TNIK: variants seen among roughly 807,000 people sequenced by gnomAD.
TNIK encodes the protein TRAF2 and NCK-interacting protein kinase.
In TNIK, 49 loss-of-function variants were observed where a neutral mutation model predicts 191.3. The observed-to-expected ratio is 0.26, with a 90% CI of 0.20 to 0.32. The LOEUF (loss-of-function observed/expected upper bound fraction) is 0.32, where lower values mean the gene tolerates loss of function less well. Ranked by LOEUF, TNIK falls within the 10% of genes least tolerant of loss-of-function variation. The probability of loss-of-function intolerance (pLI) is 1.00; values close to 1 mark genes in which losing one functional copy is unlikely to be tolerated. For missense variants in TNIK, 1,155 were observed against 1,702.3 expected (o/e 0.68, Z 5.66); for synonymous variants, 594 against 600.9 (o/e 0.99, Z 0.17).
intron 2 of TNIK, among the ~76,000 whole-genome samples, chr3:171,304,560 C>T (rs1396679999): frequency 1.3e-5 from 2 of 152,136 alleles, no homozygotes; most frequent in Admixed American, 6.5e-5. Flanking sequence ...CACATGCATA[C>T]GTATGTTTAT....
intron 2 of TNIK, among the ~76,000 whole-genome samples, chr3:171,292,328 G>T (rs981668275): frequency 2.0e-5 from 3 of 152,174 alleles, no homozygotes; most frequent in African/African-American, 7.2e-5. Context: ...GGAGACTCTG[G>T]ATTCTATTAT....
chr3:171,401,945 C>T (rs1471471252), intron 1 of TNIK, among the ~76,000 whole-genome samples: 2 of 152,200 alleles, frequency 1.3e-5, no homozygotes, highest in African/African-American at 2.4e-5. Flanking sequence ...AAAGTGATCA[C>T]GTCTGTTTCT....
chr3:171,432,956 A>G (rs1050171788), intron 1 of TNIK, among the ~76,000 whole-genome samples: 1 of 152,212 alleles, frequency 6.6e-6, no homozygotes, highest in African/African-American at 2.4e-5. Flanking sequence ...AATAAGAAGC[A>G]TATAATATTA....
Position 171,188,779 on chromosome 3 carries a change from A to C in TNIK, c.562T>G (p.Phe188Val). The C allele has an allele frequency of 6.2e-7, 1 of 1,613,714 alleles. No homozygotes were observed. Among genetic ancestry groups the C allele is most frequent in the Non-Finnish European group, 8.5e-7 (1 of 1,179,652 alleles). ...LDRTVGRRNT[F>V]IGTPYWMAPE... ...GCCATCCAGTAGGGAGTTCCAATGA[A>C]AGTATTCCTCCTGCCCACTGTTCGA... The change falls in exon 7 of 33, where the codon TTC (phenylalanine) becomes GTC (valine). Residue 188 changes from phenylalanine to valine, a missense_variant. By Grantham distance (50) the Phe-to-Val change is conservative (BLOSUM62 -1). Coordinates refer to ENST00000436636, the MANE Select transcript of TNIK (RefSeq NM_015028.4).
At position 171,063,555 on chromosome 3, in the gene TNIK, C is replaced by T. The variant is rs1718051721; in HGVS notation, c.*326G>A. On this transcript the variant is annotated 3_prime_UTR_variant, in exon 33 of 33. Transcript: ENST00000436636. ...AAAAAGGTAAAAACCTGAAAACCCA[C>T]CATAACACAGCTTAATCGTTAAGAG... 4.8e-6 allele frequency: 1 copy of T among 207,608 alleles called. No homozygotes were observed. The highest frequency in any genetic ancestry group is 2.3e-5 in the African/African-American group (1 of 43,340). The allele number at this position is 207,608 out of a possible 1,614,324, so 12.9% of individuals were successfully genotyped here. A position where few individuals can be genotyped will look rare whatever the true frequency, so the allele number is the denominator to read the frequency against.
At chr3:171,124,697 A>C (rs1161772386) in intron 17 of TNIK, among the ~76,000 whole-genome samples, 2 of 152,216 alleles carry the variant, frequency 1.3e-5, no homozygotes, top group African/African-American at 4.8e-5. Flanking sequence ...GTTCAAATTA[A>C]TTATTACTAT....
chr3:171,271,227 A>G (rs534838693), intron 2 of TNIK, among the ~76,000 whole-genome samples: 4 of 152,358 alleles, frequency 2.6e-5, no homozygotes, highest in Admixed American at 2.6e-4. Context: ...GCCAACTCTA[A>G]TAGTTCTAGC....
chr3:171,219,411 A>T (rs1742004864), intron 3 of TNIK, among the ~76,000 whole-genome samples: 1 of 150,728 alleles, frequency 6.6e-6, no homozygotes, highest in Admixed American at 6.7e-5. Context: ...CACATAATGC[A>T]GCACCTACTA....
chr3:171,120,323 CTTTT>C (rs397691045), intron 18 of TNIK, among the ~76,000 whole-genome samples: 2 of 136,396 alleles, frequency 1.5e-5, no homozygotes, highest in Non-Finnish European at 1.6e-5. Flanking sequence ...TTTTTTCTTT[CTTTT>C]TTTTTTTTTT....
chr3:171,185,818 C>T lies in TNIK; in HGVS notation c.639+2884G>A, dbSNP rs192254037. Among the ~76,000 whole-genome samples the T allele has an allele frequency of 2.3e-4, 35 of 152,306 alleles. 1 individual carries two copies. The highest frequency in any genetic ancestry group is 8.2e-4 in the African/African-American group (34 of 41,550). ...AATCAAATAACAAAACTAAGCTATACTCTTTTTCTTTTTCTTCTTGTCTTT... is the reference window on the plus strand; with the variant it reads ...AATCAAATAACAAAACTAAGCTATATTCTTTTTCTTTTTCTTCTTGTCTTT... On this transcript the variant is annotated intron_variant, in intron 7 of 32. Transcript: ENST00000436636.
intron 2 of TNIK, among the ~76,000 whole-genome samples, chr3:171,333,584 G>GAAAAAAAAAAAAAAA (rs562856294): frequency 2.6e-5 from 3 of 114,246 alleles, no homozygotes; most frequent in South Asian, 3.1e-4. Flanking sequence ...CAAAAAGAAA[G>GAAAAAAAAAAAAAAA]AAAAAAAAAA....
At chr3:171,395,453 A>G (rs1248402675) in intron 1 of TNIK, among the ~76,000 whole-genome samples, 2 of 152,164 alleles carry the variant, frequency 1.3e-5, no homozygotes, top group East Asian at 3.8e-4. Flanking sequence ...ACAACTATTA[A>G]TAACATCTCT....
chr3:171,080,077 TAACA>T (rs1177300677), intron 27 of TNIK, among the ~76,000 whole-genome samples: 1 of 152,134 alleles, frequency 6.6e-6, no homozygotes, highest in African/African-American at 2.4e-5. Flanking sequence ...TATAACCTAA[TAACA>T]AACAAGAGGA....
intron 1 of TNIK, among the ~76,000 whole-genome samples, chr3:171,456,679 C>A (rs1180834593): frequency 6.6e-6 from 1 of 152,176 alleles, no homozygotes; most frequent in Non-Finnish European, 1.5e-5. Context: ...AAGATGAATT[C>A]CAAAGGTGGC....
intron 2 of TNIK, among the ~76,000 whole-genome samples, chr3:171,359,729 A>G (rs1714691295): frequency 6.6e-6 from 1 of 152,248 alleles, no homozygotes; most frequent in Non-Finnish European, 1.5e-5. Flanking sequence ...ACTTAAGGTT[A>G]AACTACAGAG....
At chr3:171,247,380 G>C (rs114500068) in intron 2 of TNIK, among the ~76,000 whole-genome samples, 1,571 of 152,334 alleles carry the variant, frequency 0.01, 10 homozygotes, top group Non-Finnish European at 0.015. Flanking sequence ...ATGGTGTTTT[G>C]GAGAATTGAA....
rs1220377848 is a variant in TNIK, at chr3:171,159,262, CAT to C, written c.1017-1600_1017-1599del. Among the ~76,000 whole-genome samples the C allele has an allele frequency of 5.3e-5, 8 of 150,824 alleles. No individual in the cohort carries two copies. The highest frequency in any genetic ancestry group is 1.5e-4 in the African/African-American group (6 of 41,010). ...TCACGAAGCCTGTGGACAGATCTGA[CAT>C]GTGGAGTGAGGGATGACTTGCAGGT... On this transcript the variant is annotated intron_variant, in intron 11 of 32. Transcript: ENST00000436636. The surrounding 1 kb of genome is among the most constrained non-coding windows in gnomAD (Gnocchi z 4.1).
At chr3:171,402,186 A>C (rs1223761996) in intron 1 of TNIK, among the ~76,000 whole-genome samples, 1 of 152,228 alleles carries the variant, frequency 6.6e-6, no homozygotes, top group African/African-American at 2.4e-5. Flanking sequence ...AAGACTTAAG[A>C]AATTGAATGG....
At chr3:171,308,322 G>C (rs1038408357) in intron 2 of TNIK, among the ~76,000 whole-genome samples, 1 of 152,100 alleles carries the variant, frequency 6.6e-6, no homozygotes, top group Non-Finnish European at 1.5e-5. Context: ...CAAGCAATGG[G>C]GAAAGGATTC....
Sources: gnomAD v4.1 joint callset for allele counts (sites outside exome capture counted in the v4.1 genomes callset) on GRCh38, gnomAD v4.1.1 for gene constraint, Gnocchi (gnomAD v3.1) non-coding constraint, MANE v1.5 for transcripts, NCBI Gene and HGNC (gene_info 2026-07-23, HGNC 2026-07-21) for gene names.